Variants in CDKL3 observed in about 807,000 individuals in gnomAD.
CDKL3 encodes cyclin-dependent kinase-like 3.
A neutral mutation model predicts 69.3 loss-of-function variants in CDKL3; 65 were observed. That is an observed-to-expected ratio of 0.94 (90% CI 0.77 to 1.15). The LOEUF (loss-of-function observed/expected upper bound fraction) is 1.15, where lower values mean the gene tolerates loss of function less well. Ranked by LOEUF, CDKL3 falls within the 50% of genes most tolerant of loss-of-function variation. CDKL3 has a pLI of 0.00. For missense variants in CDKL3, 652 were observed against 689.2 expected (o/e 0.95, Z 0.61); for synonymous variants, 202 against 221.6 (o/e 0.91, Z 0.79).
chr5:134,330,576 A>G (rs1228723749), intron 4 of CDKL3, among the ~76,000 whole-genome samples: 1 of 152,122 alleles, frequency 6.6e-6, no homozygotes, highest in Non-Finnish European at 1.5e-5. Context: ...GTAGCTGGGC[A>G]TGGTGGCACA....
chr5:134,334,221 GTCTA>G (rs1204770221), intron 4 of CDKL3, among the ~76,000 whole-genome samples: 1 of 152,084 alleles, frequency 6.6e-6, no homozygotes. Flanking sequence ...CTTGCTAGCA[GTCTA>G]TCTATTTTGT....
intron 2 of CDKL3, among the ~76,000 whole-genome samples, chr5:134,365,861 C>G (rs1232426723): frequency 6.6e-6 from 1 of 152,152 alleles, no homozygotes; most frequent in Admixed American, 6.6e-5. Flanking sequence ...AACAGTTTCT[C>G]CCTCTTATCT....
At chr5:134,294,153 T>C (rs1765244951), downstream of CDKL3, among the ~76,000 whole-genome samples, 1 of 152,130 alleles carries the variant, frequency 6.6e-6, no homozygotes, top group African/African-American at 2.4e-5. Flanking sequence ...AATCCAATAA[T>C]ACATAAAAAG....
At chr5:134,314,049 C>A (rs116632975) in intron 6 of CDKL3, among the ~76,000 whole-genome samples, 1 of 152,036 alleles carries the variant, frequency 6.6e-6, no homozygotes, top group East Asian at 1.9e-4. Context: ...GAGGCTAAGG[C>A]GGAAGAATTG....
At chr5:134,317,550 G>A (rs1003657434) in intron 6 of CDKL3, among the ~76,000 whole-genome samples, 1 of 152,200 alleles carries the variant, frequency 6.6e-6, no homozygotes, top group African/African-American at 2.4e-5. Context: ...CTAGAGGATA[G>A]GAGTTCGAGG....
intron 2 of CDKL3, among the ~76,000 whole-genome samples, chr5:134,363,659 C>A (rs969524270): frequency 1.3e-5 from 2 of 152,114 alleles, no homozygotes; most frequent in African/African-American, 4.8e-5. Flanking sequence ...CAGGGTTTCA[C>A]CATGTTGCCC....
chr5:134,303,208 C>T (rs774822089), intron 11 of CDKL3, among the ~76,000 whole-genome samples: 2 of 151,948 alleles, frequency 1.3e-5, no homozygotes, highest in Non-Finnish European at 2.9e-5. Flanking sequence ...TTTCCTGCCT[C>T]AGCCTCCCAA....
At chr5:134,308,030 T>C (rs1045778877) in intron 9 of CDKL3, 108 bp downstream of exon 9, 2 of 1,433,356 alleles carry the variant, frequency 1.4e-6, no homozygotes, top group Non-Finnish European at 9.2e-7. Context: ...AATTTCAATA[T>C]ATTTTCTTCA....
intron 8 of CDKL3, among the ~76,000 whole-genome samples, chr5:134,292,432 C>T (rs1431947007): frequency 1.3e-5 from 2 of 152,026 alleles, no homozygotes; most frequent in East Asian, 3.8e-4. Context: ...AGGATAACAA[C>T]ATTTAAATTT....
At chr5:134,316,066 C>T (rs938457476) in intron 6 of CDKL3, among the ~76,000 whole-genome samples, 1 of 152,104 alleles carries the variant, frequency 6.6e-6, no homozygotes, top group Admixed American at 6.6e-5. Flanking sequence ...ATCCTGCCAC[C>T]TCAGCCTCCA....
chr5:134,293,302 G>T (rs909363853), intron 8 of CDKL3, among the ~76,000 whole-genome samples: 14 of 151,834 alleles, frequency 9.2e-5, no homozygotes, highest in African/African-American at 3.1e-4. Flanking sequence ...TTACAGGTGT[G>T]AGCCACCACG....
At chr5:134,371,462 G>GT (rs1396024757), upstream of CDKL3, 12 of 1,165,742 alleles carry the variant, frequency 1.0e-5, no homozygotes, top group Non-Finnish European at 1.4e-5. Flanking sequence ...TTGCAGGGTT[G>GT]TTTGTCAGTC....
At chr5:134,347,049 T>C (rs1752074288) in intron 4 of CDKL3, among the ~76,000 whole-genome samples, 1 of 152,020 alleles carries the variant, frequency 6.6e-6, no homozygotes, top group South Asian at 2.1e-4. Context: ...AAGTAATAAA[T>C]TAAAAAGAGA....
intron 4 of CDKL3, among the ~76,000 whole-genome samples, chr5:134,325,230 A>G (rs1328967930): frequency 1.4e-5 from 2 of 146,410 alleles, no homozygotes; most frequent in Non-Finnish European, 3.1e-5. Flanking sequence ...TACTATGTAT[A>G]TAGTATGTTC....
At chr5:134,357,042 C>T (rs1389990917) in intron 3 of CDKL3, among the ~76,000 whole-genome samples, 1 of 151,962 alleles carries the variant, frequency 6.6e-6, no homozygotes, top group East Asian at 1.9e-4. Flanking sequence ...ATTGTACCAT[C>T]TGTCTAAGCC....
chr5:134,328,273 G>A (rs1774895241), intron 4 of CDKL3, among the ~76,000 whole-genome samples: 2 of 152,156 alleles, frequency 1.3e-5, no homozygotes, highest in African/African-American at 4.8e-5. Context: ...AAAGAAGAAA[G>A]GTATGACAGT....
In CDKL3 at chr5:134,302,702, T is replaced by C. The variant is rs1288234850; in HGVS notation, c.1622-15A>G. 1.5e-6 allele frequency: 2 copies of C among 1,348,486 alleles called. No individual in the cohort carries two copies. Among genetic ancestry groups the C allele is most frequent in the Non-Finnish European group, 1.0e-6 (1 of 973,238 alleles). The allele number at this position is 1,348,486 out of a possible 1,614,324, so 83.5% of individuals were successfully genotyped here. A position where few individuals can be genotyped will look rare whatever the true frequency, so the allele number is the denominator to read the frequency against. ...TATCTGTTTAACTTTTGCAAAAATA[T>C]ACAAAACAATGAAAATTTGTTATTC... On this transcript the variant is annotated splice_polypyrimidine_tract_variant and intron_variant, in intron 11 of 12. Coordinates refer to ENST00000265334, the MANE Select transcript of CDKL3 (RefSeq NM_001113575.2).
At chr5:134,302,809 C>G (rs1766676100) in intron 11 of CDKL3, 122 bp from the exon 12 acceptor site, 1 of 555,170 alleles carries the variant, frequency 1.8e-6, no homozygotes, top group African/African-American at 2.0e-5. Flanking sequence ...TACAAAGGAA[C>G]AAAATAAATT....
At chr5:134,313,218 C>T (rs1264803848) in intron 6 of CDKL3, among the ~76,000 whole-genome samples, 1 of 152,068 alleles carries the variant, frequency 6.6e-6, no homozygotes, top group East Asian at 1.9e-4. Context: ...CTGTGCTTGG[C>T]CTTTTAAAAT....
Sources: gnomAD v4.1 joint callset for allele counts (sites outside exome capture counted in the v4.1 genomes callset) on GRCh38, gnomAD v4.1.1 for gene constraint, MANE v1.5 for transcripts, NCBI Gene and HGNC (gene_info 2026-07-23, HGNC 2026-07-21) for gene names.